ATRN: variants seen among roughly 807,000 people sequenced by gnomAD.
ATRN encodes the protein attractin-2.
Under a neutral mutation model 178.7 loss-of-function variants are expected in ATRN, and 54 were observed. The observed-to-expected ratio is 0.30, with a 90% confidence interval of 0.24 to 0.38. The LOEUF (loss-of-function observed/expected upper bound fraction) is 0.38, where lower values mean the gene tolerates loss of function less well. Ranked by LOEUF, ATRN falls within the 10% of genes least tolerant of loss-of-function variation. The probability of loss-of-function intolerance (pLI) is 1.00; values close to 1 mark genes in which losing one functional copy is unlikely to be tolerated. For missense variants in ATRN, 1,443 were observed against 1,815.1 expected, an observed-to-expected ratio of 0.79 and a Z score of 3.73; for synonymous variants, 636 against 663.0, an observed-to-expected ratio of 0.96 and a Z score of 0.63.
chr20:3,571,707 C>G (rs1024173185), intron 11 of ATRN, among the ~76,000 whole-genome samples: 1 of 152,082 alleles, frequency 6.6e-6, no homozygotes, highest in African/African-American at 2.4e-5. Context: ...GGCTGAAGCC[C>G]CGCTCTATGT....
chr20:3,559,647 A>G (rs1416281337), intron 7 of ATRN, among the ~76,000 whole-genome samples, 164 bp downstream of exon 7: 1 of 152,198 alleles, frequency 6.6e-6, no homozygotes, highest in Non-Finnish European at 1.5e-5. Flanking sequence ...ATTAAAATGG[A>G]AACTTTTTTA....
rs2086243640 is a variant in ATRN at position 3,578,728 on chromosome 20, T to C, written c.2500T>C (p.Phe834Leu). 1 of 1,613,924 alleles carries C rather than the reference T, an allele frequency of 6.2e-7. No individual in the cohort carries two copies. The highest frequency in any genetic ancestry group is 1.3e-5 in the African/African-American group (1 of 74,914). ...ASLTTQKKVEFVLKQLRIMQS... is the reference protein window; with the variant it reads ...ASLTTQKKVELVLKQLRIMQS... The stretch of plus-strand genomic sequence containing the variant: ...TCTTACAACCCAGAAGAAGGTAGAA[T>C]TTGTCCTTAAGCAGCTGCGAATAAT... The change falls in exon 15 of 29, where the codon TTT (phenylalanine) becomes CTT (leucine). Residue 834 changes from phenylalanine (F) to leucine (L), a missense_variant. Transcript: ENST00000262919.
intron 11 of ATRN, among the ~76,000 whole-genome samples, chr20:3,566,969 G>C (rs1377285133): frequency 6.7e-6 from 1 of 149,772 alleles, no homozygotes; most frequent in Non-Finnish European, 1.5e-5. Flanking sequence ...TGTGAAGGAA[G>C]AGTTGAGACA....
At chr20:3,571,069 C>A (rs555498104) in intron 11 of ATRN, among the ~76,000 whole-genome samples, 12 of 152,330 alleles carry the variant, frequency 7.9e-5, no homozygotes, top group African/African-American at 2.9e-4. Flanking sequence ...TACTGGTGCT[C>A]ACTCCATAGA....
chr20:3,541,321 C>T (rs1375885148), intron 3 of ATRN, among the ~76,000 whole-genome samples: 2 of 152,110 alleles, frequency 1.3e-5, no homozygotes, highest in South Asian at 2.1e-4. Flanking sequence ...TCGTGATCCG[C>T]CCGCCTCGGC....
intron 1 of ATRN, among the ~76,000 whole-genome samples, chr20:3,530,021 A>G (rs1415749471): frequency 6.6e-6 from 1 of 151,826 alleles, no homozygotes; most frequent in Non-Finnish European, 1.5e-5. Context: ...ATACAGGAAA[A>G]TAACCAAAAG....
chr20:3,562,738 G>T (rs1044186217), intron 9 of ATRN, among the ~76,000 whole-genome samples: 2 of 152,148 alleles, frequency 1.3e-5, no homozygotes, highest in Admixed American at 1.3e-4. Flanking sequence ...ATTATAAAGC[G>T]ATGGTTTCTC....
At chr20:3,535,620 CA>C (rs1235567029) in intron 2 of ATRN, among the ~76,000 whole-genome samples, 1 of 144,490 alleles carries the variant, frequency 6.9e-6, no homozygotes, top group Non-Finnish European at 1.5e-5. Context: ...CACACACACA[CA>C]CACACATATA....
intron 18 of ATRN, 150 bp from the exon 19 acceptor site, chr20:3,591,019 C>T: frequency 1.2e-6 from 1 of 830,022 alleles, no homozygotes. Flanking sequence ...TATTTTTTAT[C>T]TTATTTCTCA....
chr20:3,634,091 T>A (rs1458021140), intron 25 of ATRN, among the ~76,000 whole-genome samples: 3 of 152,190 alleles, frequency 2.0e-5, no homozygotes, highest in Non-Finnish European at 2.9e-5. Flanking sequence ...GAATACCACA[T>A]GGGAACGATA....
At chr20:3,625,322 C>A (rs1844332094) in intron 25 of ATRN, among the ~76,000 whole-genome samples, 1 of 152,162 alleles carries the variant, frequency 6.6e-6, no homozygotes, top group Admixed American at 6.5e-5. Flanking sequence ...CCATCTCTTT[C>A]ATTTAATACC....
intron 11 of ATRN, among the ~76,000 whole-genome samples, chr20:3,566,044 G>A (rs77695272): frequency 0.038 from 5,800 of 152,212 alleles, 146 homozygotes; most frequent in Non-Finnish European, 0.056. Context: ...CAAAAGTTAC[G>A]TGCATGTCAT....
intron 1 of ATRN, among the ~76,000 whole-genome samples, chr20:3,491,376 C>T (rs1009603137): frequency 1.3e-5 from 2 of 152,194 alleles, no homozygotes; most frequent in Non-Finnish European, 1.5e-5. Flanking sequence ...CTGGCCTTGT[C>T]TTACTAAACT....
chr20:3,471,219 G>T lies in ATRN; in HGVS notation c.112G>T (p.Ala38Ser), dbSNP rs1170763800. Residue 38 changes from alanine (A) to serine (S), a missense_variant, in exon 1 of 29, where the codon GCT (alanine) becomes TCT (serine). Physicochemically the swap from Ala to Ser is moderately conservative, Grantham distance 99 (BLOSUM62 1). Coordinates refer to ENST00000262919, the MANE Select transcript of ATRN (RefSeq NM_139321.3). Reference protein sequence around the residue: ...GPHWDWDVTRAGRPGLGAGLR... With the variant: ...GPHWDWDVTRSGRPGLGAGLR... ...GCACTGGGACTGGGACGTGACCAGG[G>T]CTGGGAGGCCGGGGCTGGGGGCCGG... 28 of 1,470,652 alleles carry T rather than the reference G, an allele frequency of 1.9e-5. No individual in the cohort carries two copies. In the East Asian group the frequency reaches 8.2e-4, roughly 43 times the overall value. The allele number at this position is 1,470,652 out of a possible 1,614,324, so 91.1% of individuals were successfully genotyped here.
intron 18 of ATRN, among the ~76,000 whole-genome samples, chr20:3,588,540 A>G (rs766850620): frequency 5.1e-4 from 78 of 152,292 alleles, no homozygotes; most frequent in Middle Eastern, 3.4e-3. Context: ...GTCATGATGT[A>G]TACTTTTTTA....
At chr20:3,555,654 A>G (rs942568612) in intron 6 of ATRN, among the ~76,000 whole-genome samples, 2 of 152,224 alleles carry the variant, frequency 1.3e-5, no homozygotes, top group African/African-American at 4.8e-5. Context: ...TCAGAAGAGT[A>G]GATAGAACAT....
Position 3,614,594 on chromosome 20 carries a change from A to G in ATRN, c.3802-9917A>G, listed in dbSNP as rs530624424. Among the ~76,000 whole-genome samples the G allele has an allele frequency of 3.3e-5, 5 of 152,240 alleles. No individual in the cohort carries two copies. In the East Asian group the frequency reaches 5.8e-4, roughly 18 times the overall value. On this transcript the variant is annotated intron_variant, in intron 24 of 28. Transcript: ENST00000262919. ...CTATACTGAGCAAGGGATGTGTGAAACTTTTGTTCACTTGGATGTGCTTTT... is the reference window on the plus strand; with the variant it reads ...CTATACTGAGCAAGGGATGTGTGAAGCTTTTGTTCACTTGGATGTGCTTTT...
intron 16 of ATRN, 35 bp from the exon 17 acceptor site, chr20:3,583,863 G>C (rs753562280): frequency 6.3e-7 from 1 of 1,589,552 alleles, no homozygotes; most frequent in Non-Finnish European, 8.6e-7. Flanking sequence ...GACATGGTGG[G>C]AGCTCTAAGT....
chr20:3,609,708 GTA>G (rs1181751345), intron 24 of ATRN, among the ~76,000 whole-genome samples: 35 of 121,978 alleles, frequency 2.9e-4, no homozygotes, highest in African/African-American at 5.1e-4. Flanking sequence ...AATGTGGTAT[GTA>G]TGTATGTGTG....
Sources: gnomAD v4.1 joint callset for allele counts (sites outside exome capture counted in the v4.1 genomes callset) on GRCh38, gnomAD v4.1.1 for gene constraint, MANE v1.5 for transcripts, NCBI Gene and HGNC (gene_info 2026-07-23, HGNC 2026-07-21) for gene names.